GPC3: variants seen among roughly 807,000 people sequenced by gnomAD.
GPC3 encodes glypican 3.
A neutral mutation model predicts 34.4 loss-of-function variants in GPC3; 3 were observed. That is an observed-to-expected ratio of 0.09 (90% CI 0.04 to 0.23). The LOEUF (loss-of-function observed/expected upper bound fraction) is 0.23, where lower values mean the gene tolerates loss of function less well. Among genes scored for constraint, GPC3 ranks in the 10% least tolerant of loss-of-function variants. GPC3 has a pLI of 1.00. For synonymous variants in GPC3, 177 were observed against 174.0 expected (o/e 1.02, Z -0.13); for missense variants, 351 against 445.6 (o/e 0.79, Z 1.91).
At chrX:133,907,755 C>A (rs985967480) in intron 2 of GPC3, among the ~76,000 whole-genome samples, 1 of 111,053 alleles carries the variant, frequency 9.0e-6, no homozygotes, top group Non-Finnish European at 1.9e-5. Context: ...TTTTCTCCCC[C>A]CTGTATTCAG....
At chrX:133,593,354 T>TAAAAAAAAAAAAAAAAAAAAAAAAAAGA (rs1186766438) in intron 7 of GPC3, among the ~76,000 whole-genome samples, 3 of 47,709 alleles carry the variant, frequency 6.3e-5, no homozygotes, top group Admixed American at 2.6e-4. Flanking sequence ...AAAAAAAAAG[T>TAAAAAAAAAAAAAAAAAAAAAAAAAAGA]AAAAAAAAAA....
chrX:133,701,924 A>G (rs2071171126), intron 3 of GPC3, among the ~76,000 whole-genome samples: 1 of 112,785 alleles, frequency 8.9e-6, no homozygotes, highest in Non-Finnish European at 1.9e-5. Context: ...TTTGATATTC[A>G]GATGAGCTAT....
chrX:133,763,364 C>T lies in GPC3; in HGVS notation c.338-9188G>A, dbSNP rs771789040. 10 of 541,376 alleles carry T rather than the reference C, an allele frequency of 1.8e-5. No individual in the cohort carries two copies. In the East Asian group the frequency reaches 2.0e-4, roughly 11 times the overall value. The allele number at this position is 541,376 out of a possible 1,213,427, so 44.6% of individuals were successfully genotyped here. A position where few individuals can be genotyped will look rare whatever the true frequency, so the allele number is the denominator to read the frequency against. On this transcript the variant is annotated intron_variant, in intron 2 of 7. Coordinates refer to ENST00000370818, the MANE Select transcript of GPC3 (RefSeq NM_004484.4). ...GTTCTGCACACGCGTGGTACCATTT[C>T]CTGCAAACGCCTGTGGGAGGTCATG...
chrX:133,911,795 A>G (rs1431323609), intron 2 of GPC3, among the ~76,000 whole-genome samples: 1 of 111,995 alleles, frequency 8.9e-6, no homozygotes, highest in Admixed American at 9.5e-5. Flanking sequence ...GAGTAAAAAC[A>G]GCCCAAGTAA....
intron 7 of GPC3, among the ~76,000 whole-genome samples, chrX:133,571,749 T>C (rs1443138757): frequency 9.0e-6 from 1 of 111,435 alleles, no homozygotes; most frequent in Non-Finnish European, 1.9e-5. Flanking sequence ...TATAGGTCAC[T>C]TCAGATAAGC....
At chrX:133,938,756 G>A (rs62601620) in intron 2 of GPC3, among the ~76,000 whole-genome samples, 8,800 of 111,621 alleles carry the variant, frequency 0.079, 350 homozygotes, top group Non-Finnish European at 0.12. Context: ...TATAGTTAAT[G>A]TACAAACATA....
chrX:133,582,891 G>A (rs2069746720), intron 7 of GPC3, among the ~76,000 whole-genome samples: 1 of 110,819 alleles, frequency 9.0e-6, no homozygotes, highest in Non-Finnish European at 1.9e-5. Flanking sequence ...CGGGGGGAGG[G>A]CTCTGTCCTG....
At chrX:133,595,318 C>G (rs371461247) in intron 7 of GPC3, among the ~76,000 whole-genome samples, 1 of 110,766 alleles carries the variant, frequency 9.0e-6, no homozygotes, top group Non-Finnish European at 1.9e-5. Flanking sequence ...TCTCAAGACC[C>G]GAGGTAGATT....
intron 6 of GPC3, among the ~76,000 whole-genome samples, chrX:133,625,976 A>G (rs1023204929): frequency 5.4e-5 from 6 of 111,854 alleles, no homozygotes; most frequent in African/African-American, 1.6e-4. Flanking sequence ...GATATAGACC[A>G]ATGGAATAGA....
intron 2 of GPC3, among the ~76,000 whole-genome samples, chrX:133,759,618 T>C (rs1417698166): frequency 8.9e-6 from 1 of 112,235 alleles, no homozygotes; most frequent in Non-Finnish European, 1.9e-5. Context: ...AAGTCAAATA[T>C]ATCATAGACA....
At chrX:133,663,824 A>G (rs1444014382) in intron 5 of GPC3, among the ~76,000 whole-genome samples, 1 of 111,940 alleles carries the variant, frequency 8.9e-6, no homozygotes, top group African/African-American at 3.2e-5. Context: ...AATAACGACA[A>G]ACTGAAAAAT....
intron 2 of GPC3, among the ~76,000 whole-genome samples, chrX:133,764,468 C>T (rs1347512592): frequency 1.8e-5 from 2 of 111,757 alleles, no homozygotes; most frequent in Non-Finnish European, 3.8e-5. Flanking sequence ...CCAAAATCTT[C>T]CAACTTTTTA....
At chrX:133,701,929 A>C (rs1603228765) in intron 3 of GPC3, among the ~76,000 whole-genome samples, 1 of 112,644 alleles carries the variant, frequency 8.9e-6, no homozygotes, top group South Asian at 3.6e-4. Context: ...TATTCAGATG[A>C]GCTATACTCA....
chrX:133,857,476 G>C (rs1353956456), intron 2 of GPC3, among the ~76,000 whole-genome samples: 1 of 111,795 alleles, frequency 8.9e-6, no homozygotes, highest in Non-Finnish European at 1.9e-5. Flanking sequence ...TGAGGTCAGT[G>C]CCCAAAGCTA....
chrX:133,878,406 G>A (rs969239437), intron 2 of GPC3, among the ~76,000 whole-genome samples: 1 of 110,397 alleles, frequency 9.1e-6, no homozygotes, highest in Non-Finnish European at 1.9e-5. Flanking sequence ...CAGCCTGGGC[G>A]ACAAGAGTGA....
intron 3 of GPC3, among the ~76,000 whole-genome samples, chrX:133,749,298 G>T (rs1273522203): frequency 9.0e-6 from 1 of 110,896 alleles, no homozygotes; most frequent in Non-Finnish European, 1.9e-5. Flanking sequence ...AAAATCATCT[G>T]ATCTCTTCAC....
chrX:133,600,709 G>A (rs921021472), intron 6 of GPC3, among the ~76,000 whole-genome samples: 13 of 108,327 alleles, frequency 1.2e-4, no homozygotes, highest in African/African-American at 3.2e-4. Context: ...AGCAAGGAGT[G>A]GATTTAGGCA....
chrX:133,739,801 T>C (rs1303839441), intron 3 of GPC3, among the ~76,000 whole-genome samples: 2 of 112,282 alleles, frequency 1.8e-5, no homozygotes, highest in Non-Finnish European at 3.8e-5. Flanking sequence ...GAGGATCACT[T>C]GAGCCCAGGT....
intron 3 of GPC3, among the ~76,000 whole-genome samples, chrX:133,730,126 G>A (rs1255910253): frequency 1.8e-5 from 2 of 111,667 alleles, no homozygotes; most frequent in Non-Finnish European, 3.8e-5. Flanking sequence ...ACTAATGACT[G>A]TGGCATGCAT....
Sources: gnomAD v4.1 joint callset for allele counts (sites outside exome capture counted in the v4.1 genomes callset) on GRCh38, gnomAD v4.1.1 for gene constraint, MANE v1.5 for transcripts, NCBI Gene and HGNC (gene_info 2026-07-23, HGNC 2026-07-21) for gene names.